The following TLN2 variants were observed in gnomAD, a reference collection of about 807,000 sequenced individuals.
TLN2 encodes talin-2.
TLN2 carries 118 observed loss-of-function variants against 294.7 expected under a neutral mutation model. That is an observed-to-expected ratio of 0.40 (90% CI 0.34 to 0.47). The LOEUF (loss-of-function observed/expected upper bound fraction) is 0.47. Ranked by LOEUF, TLN2 falls within the 20% of genes least tolerant of loss-of-function variation. The probability of loss-of-function intolerance (pLI) is 0.84; values close to 1 mark genes in which losing one functional copy is unlikely to be tolerated. For missense variants in TLN2, 3,083 were observed against 3,282.2 expected (o/e 0.94, Z 1.48); for synonymous variants, 1,431 against 1,304.5 (o/e 1.10, Z -2.09).
chr15:62,664,675 A>G (rs1283682345), intron 9 of TLN2, among the ~76,000 whole-genome samples: 2 of 151,734 alleles, frequency 1.3e-5, no homozygotes, highest in African/African-American at 2.4e-5. Flanking sequence ...CCTGACAAAC[A>G]TGGAGAAACC....
chr15:62,786,160 G>T (rs764818783), intron 45 of TLN2, among the ~76,000 whole-genome samples: 1 of 152,188 alleles, frequency 6.6e-6, no homozygotes, highest in African/African-American at 2.4e-5. Context: ...AGAAGGTTAG[G>T]AGATCCCTGA....
Position 62,755,544 on chromosome 15 carries a change from G to A in TLN2, c.4489G>A (p.Ala1497Thr), listed in dbSNP as rs373813759. The change falls in exon 37 of 59, where the codon GCC becomes ACC. Residue 1497 changes from alanine to threonine, a missense_variant. Coordinates refer to ENST00000636159, the MANE Select transcript of TLN2 (RefSeq NM_015059.3). ...GSSPSQVLSA[A>T]TIVAKHTSAL... The stretch of plus-strand genomic sequence containing the variant: ...CCATGCTTTGTAGGTCCTGTCAGCC[G>A]CCACAATTGTTGCCAAGCACACGTC... 12 of 1,613,952 alleles carry A rather than the reference G, an allele frequency of 7.4e-6. No individual in the cohort carries two copies. The highest frequency in any genetic ancestry group is 2.2e-5 in the South Asian group (2 of 91,058).
At chr15:62,443,810 T>G (rs2035675863) in intron 1 of TLN2, among the ~76,000 whole-genome samples, 1 of 152,150 alleles carries the variant, frequency 6.6e-6, no homozygotes, top group Non-Finnish European at 1.5e-5. Flanking sequence ...GAGATCAACC[T>G]TGGTAACGGC....
At chr15:62,543,710 G>C (rs969318178) in intron 1 of TLN2, among the ~76,000 whole-genome samples, 1 of 148,292 alleles carries the variant, frequency 6.7e-6, no homozygotes, top group Non-Finnish European at 1.5e-5. Context: ...AGCCAAGATC[G>C]TGCCACTGCA....
rs75115413 is a variant in TLN2, at chr15:62,423,513, C to T, written c.-238+32828C>T. Among the ~76,000 whole-genome samples, 162 of 152,216 alleles carry T rather than the reference C, an allele frequency of 1.1e-3. 1 individual carries two copies. The highest frequency in any genetic ancestry group is 2.6e-3 in the African/African-American group (109 of 41,518). On this transcript the variant is annotated intron_variant, in intron 1 of 58. Transcript: ENST00000636159. Reference sequence around the variant, plus strand: ...AAATGTGCGTGAACATATGGTCACCCGAAACCACACATCTTTTTCACATGA... The same window carrying T: ...AAATGTGCGTGAACATATGGTCACCTGAAACCACACATCTTTTTCACATGA...
chr15:62,808,676 C>A (rs1024689194), intron 51 of TLN2, among the ~76,000 whole-genome samples: 3 of 152,198 alleles, frequency 2.0e-5, no homozygotes, highest in African/African-American at 7.2e-5. Context: ...CTGTGTCTTC[C>A]CGCAGTGGTG....
chr15:62,673,962 T>C, intron 10 of TLN2, 72 bp downstream of exon 10: 1 of 1,216,598 alleles, frequency 8.2e-7, no homozygotes, highest in Non-Finnish European at 1.2e-6. Context: ...AGGGGGCCTC[T>C]GCGCATGGTA....
intron 1 of TLN2, among the ~76,000 whole-genome samples, chr15:62,521,102 C>G (rs1431968498): frequency 1.3e-5 from 2 of 152,118 alleles, no homozygotes. Context: ...TGTGTCTGGT[C>G]CCTTGACTTC....
intron 1 of TLN2, among the ~76,000 whole-genome samples, chr15:62,555,669 A>G (rs1056113278): frequency 6.6e-6 from 1 of 152,210 alleles, no homozygotes; most frequent in Non-Finnish European, 1.5e-5. Context: ...CTTGTGTATG[A>G]TAGCAGTAGA....
chr15:62,694,504 C>A, intron 14 of TLN2, 112 bp downstream of exon 14: 2 of 814,170 alleles, frequency 2.5e-6, no homozygotes, highest in Non-Finnish European at 4.1e-6. Context: ...AAGATGACAG[C>A]AGATGATATA....
intron 1 of TLN2, among the ~76,000 whole-genome samples, chr15:62,507,085 C>T (rs187780993): frequency 1.7e-4 from 26 of 152,260 alleles, no homozygotes; most frequent in Admixed American, 4.6e-4. Flanking sequence ...ATTATTTAAT[C>T]TCGTTTTCCC....
rs745596573 is a variant in TLN2 at position 62,722,410 on chromosome 15, G to A, written c.3049G>A (p.Ala1017Thr). The change falls in exon 26 of 59, where the codon GCC becomes ACC. Residue 1017 changes from alanine to threonine, a missense_variant. Coordinates refer to ENST00000636159, the MANE Select transcript of TLN2 (RefSeq NM_015059.3). ...CGCAGTGCCCACCGTGAGTGACCAG[G>A]CCGCAGCCATGCAGCTGAGCCAGTG... ...KAAVPTVSDQ[A>T]AAMQLSQCAK... 1.5e-5 allele frequency: 24 copies of A among 1,613,378 alleles called. 1 individual carries two copies. Among genetic ancestry groups the A allele is most frequent in the Non-Finnish European group, 1.8e-5 (21 of 1,179,712 alleles).
At chr15:62,529,195 T>C (rs1003628303) in intron 1 of TLN2, among the ~76,000 whole-genome samples, 4 of 151,922 alleles carry the variant, frequency 2.6e-5, no homozygotes, top group African/African-American at 7.3e-5. Flanking sequence ...CTGGGCTCAG[T>C]TGACCCTCTT....
intron 1 of TLN2, among the ~76,000 whole-genome samples, chr15:62,579,479 G>A (rs1227818601): frequency 6.6e-6 from 1 of 152,178 alleles, no homozygotes; most frequent in Non-Finnish European, 1.5e-5. Context: ...ATGACCTCGT[G>A]TTCTTGTTTG....
At chr15:62,400,042 C>T (rs776081050) in intron 1 of TLN2, among the ~76,000 whole-genome samples, 1 of 152,204 alleles carries the variant, frequency 6.6e-6, no homozygotes, top group Non-Finnish European at 1.5e-5. Context: ...ATCCCCACAG[C>T]AGTGGGAGGT....
chr15:62,729,903 A>C (rs2060626724), intron 28 of TLN2, among the ~76,000 whole-genome samples: 6 of 151,800 alleles, frequency 4.0e-5, no homozygotes. Context: ...TTAGTTGTAC[A>C]TTCATTTACT....
chr15:62,603,753 GAGA>G (rs1268691009), intron 2 of TLN2, among the ~76,000 whole-genome samples: 2 of 152,236 alleles, frequency 1.3e-5, no homozygotes, highest in Non-Finnish European at 2.9e-5. Context: ...GGGAGAAATA[GAGA>G]AGGACATTTC....
At chr15:62,592,252 G>C (rs1164279368) in intron 2 of TLN2, among the ~76,000 whole-genome samples, 4 of 152,208 alleles carry the variant, frequency 2.6e-5, no homozygotes, top group Admixed American at 2.6e-4. Context: ...TGTGTACTCT[G>C]CGTTGATTGG....
intron 1 of TLN2, among the ~76,000 whole-genome samples, chr15:62,560,323 C>G (rs1163336106): frequency 4.6e-5 from 7 of 152,190 alleles, no homozygotes; most frequent in Admixed American, 3.9e-4. Flanking sequence ...TCACTGCAAC[C>G]TCCACCTCCC....
Sources: allele counts gnomAD v4.1 joint callset (sites outside exome capture counted in the v4.1 genomes callset), GRCh38; gene constraint gnomAD v4.1.1; transcripts MANE v1.5; gene names NCBI Gene and HGNC (gene_info 2026-07-23, HGNC 2026-07-21).